Variants in NEK6 observed in about 807,000 individuals in gnomAD.
NEK6 encodes NIMA related kinase 6.
In NEK6, 27 loss-of-function variants were observed where a neutral mutation model predicts 43.5. The ratio of observed to expected loss-of-function variants is 0.62; its 90% CI spans 0.46 to 0.86. The LOEUF is 0.86. NEK6 is among the 40% of genes least tolerant of loss of function. The pLI is 0.00. For synonymous variants in NEK6, 167 were observed against 164.1 expected (o/e 1.02, Z -0.14); for missense variants, 318 against 414.4 (o/e 0.77, Z 2.02).
chr9:124,347,473 T>G (rs1195731883), intron 8 of NEK6, among the ~76,000 whole-genome samples: 1 of 152,242 alleles, frequency 6.6e-6, no homozygotes, highest in Non-Finnish European at 1.5e-5. Flanking sequence ...CTTGAAAGTT[T>G]TGTCACCGAA....
At chr9:124,346,742 C>T (rs1829948016) in intron 8 of NEK6, among the ~76,000 whole-genome samples, 3 of 152,186 alleles carry the variant, frequency 2.0e-5, no homozygotes, top group Admixed American at 2.0e-4. Context: ...TGAGGAGTCC[C>T]CTGTGAGTGC....
intron 1 of NEK6, among the ~76,000 whole-genome samples, chr9:124,276,689 G>A (rs1262964419): frequency 1.3e-5 from 2 of 152,212 alleles, no homozygotes; most frequent in Non-Finnish European, 2.9e-5. Flanking sequence ...GTAAATATTA[G>A]CTATTAGCTT....
intron 2 of NEK6, among the ~76,000 whole-genome samples, chr9:124,305,553 C>CA (rs11445181): frequency 0.57 from 69,808 of 123,438 alleles, 19,065 homozygotes; most frequent in East Asian, 0.8. Flanking sequence ...GACCCCATCT[C>CA]AAAAAAAAAA....
chr9:124,261,506 CG>C, intron 1 of NEK6: 4 of 985,440 alleles, frequency 4.1e-6, no homozygotes, highest in Non-Finnish European at 4.8e-6. Flanking sequence ...AGGAAGAGTC[CG>C]GTGTTCTGGC....
chr9:124,317,314 G>A (rs945206647), intron 4 of NEK6, among the ~76,000 whole-genome samples: 2 of 152,096 alleles, frequency 1.3e-5, no homozygotes, highest in Non-Finnish European at 2.9e-5. Flanking sequence ...GTGCCGTGGT[G>A]CGATCTCGGC....
intron 1 of NEK6, among the ~76,000 whole-genome samples, chr9:124,284,280 C>A (rs533465409): frequency 1.3e-5 from 2 of 152,200 alleles, no homozygotes; most frequent in African/African-American, 4.8e-5. Context: ...ACTAGGGAGG[C>A]GGAGGTTGCA....
At chr9:124,347,510 C>T (rs1326868793) in intron 8 of NEK6, among the ~76,000 whole-genome samples, 199 bp from the exon 9 acceptor site, 1 of 152,212 alleles carries the variant, frequency 6.6e-6, no homozygotes, top group Non-Finnish European at 1.5e-5. Context: ...AATCCAGTGA[C>T]AGAATCAGGG....
At chr9:124,290,428 G>T (rs1024067224) in intron 1 of NEK6, among the ~76,000 whole-genome samples, 1 of 152,254 alleles carries the variant, frequency 6.6e-6, no homozygotes, top group African/African-American at 2.4e-5. Flanking sequence ...AGTTGGGGCC[G>T]GCTGGTGGGA....
intron 1 of NEK6, among the ~76,000 whole-genome samples, chr9:124,268,950 C>T (rs1311219475): frequency 2.6e-5 from 4 of 152,064 alleles, no homozygotes; most frequent in Admixed American, 1.3e-4. Context: ...AGAGGAGGCT[C>T]GGAGCAGAGT....
intron 1 of NEK6, among the ~76,000 whole-genome samples, chr9:124,287,840 C>T (rs76522179): frequency 0.15 from 22,068 of 152,050 alleles, 1,673 homozygotes; most frequent in Non-Finnish European, 0.17. Flanking sequence ...AAAAAAAAAC[C>T]GCCCAGAAGA....
intron 1 of NEK6, among the ~76,000 whole-genome samples, chr9:124,288,695 A>G (rs1832267342): frequency 6.6e-6 from 1 of 152,098 alleles, no homozygotes; most frequent in Non-Finnish European, 1.5e-5. Context: ...GCCCTACAAG[A>G]TGGGTCCTAC....
At chr9:124,310,415 C>G (rs1214731290) in intron 2 of NEK6, among the ~76,000 whole-genome samples, 4 of 152,214 alleles carry the variant, frequency 2.6e-5, no homozygotes, top group African/African-American at 9.7e-5. Flanking sequence ...CATCATCTTC[C>G]TCCTCCAGCA....
intron 5 of NEK6, among the ~76,000 whole-genome samples, chr9:124,323,721 TGGAG>T (rs1009952121): frequency 8.5e-5 from 13 of 152,190 alleles, no homozygotes; most frequent in Admixed American, 7.2e-4. Context: ...GGGAACCTCT[TGGAG>T]GGAGCATTGC....
intron 7 of NEK6, among the ~76,000 whole-genome samples, chr9:124,334,677 C>T (rs924982459): frequency 6.6e-6 from 1 of 152,178 alleles, no homozygotes; most frequent in African/African-American, 2.4e-5. Context: ...GGGGAGGGGA[C>T]CTTAAAGGAG....
At chr9:124,340,985 G>A (rs1829582530) in intron 8 of NEK6, among the ~76,000 whole-genome samples, 1 of 152,222 alleles carries the variant, frequency 6.6e-6, no homozygotes, top group Non-Finnish European at 1.5e-5. Context: ...CCACATTACA[G>A]ATTGAGACTA....
At chr9:124,347,107 T>G (rs1829972204) in intron 8 of NEK6, among the ~76,000 whole-genome samples, 1 of 152,164 alleles carries the variant, frequency 6.6e-6, no homozygotes, top group African/African-American at 2.4e-5. Flanking sequence ...CGCACCTCTA[T>G]CCAGGGGCAG....
intron 8 of NEK6, 37 bp downstream of exon 8, chr9:124,339,702 G>A: frequency 6.8e-7 from 1 of 1,474,166 alleles, no homozygotes. Context: ...CATTTGGTGG[G>A]ACATGCATGG....
intron 1 of NEK6, among the ~76,000 whole-genome samples, chr9:124,268,919 T>C (rs1442010877): frequency 2.0e-5 from 3 of 152,194 alleles, no homozygotes; most frequent in African/African-American, 7.2e-5. Flanking sequence ...TATGGACTGA[T>C]GCGACATGAC....
intron 1 of NEK6, among the ~76,000 whole-genome samples, chr9:124,301,295 A>G (rs1588481003): frequency 6.6e-6 from 1 of 152,136 alleles, no homozygotes; most frequent in Non-Finnish European, 1.5e-5. Flanking sequence ...GTGACTACCT[A>G]TGACCAGCAT....
Sources: gnomAD v4.1 joint callset for allele counts (sites outside exome capture counted in the v4.1 genomes callset) on GRCh38, gnomAD v4.1.1 for gene constraint, MANE v1.5 for transcripts, NCBI Gene and HGNC (gene_info 2026-07-23, HGNC 2026-07-21) for gene names.